Variants in IFT57 observed in about 807,000 individuals in gnomAD.
IFT57 encodes the protein intraflagellar transport 57.
In IFT57, 59 loss-of-function variants were observed where a neutral mutation model predicts 56.8. The ratio of observed to expected loss-of-function variants is 1.04; its 90% CI spans 0.84 to 1.29. The LOEUF (loss-of-function observed/expected upper bound fraction) is 1.29, where lower values mean the gene tolerates loss of function less well. Among genes scored for constraint, IFT57 ranks in the 50% most tolerant of loss-of-function variants. IFT57 has a pLI of 0.00. For synonymous variants in IFT57, 209 were observed against 186.1 expected (o/e 1.12, Z -1.00); for missense variants, 470 against 522.1 (o/e 0.90, Z 0.97).
At chr3:108,185,736 G>T (rs1297082632) in intron 6 of IFT57, among the ~76,000 whole-genome samples, 1 of 151,726 alleles carries the variant, frequency 6.6e-6, no homozygotes, top group African/African-American at 2.4e-5. Context: ...AATATAGTTG[G>T]GTTTATGATT....
At chr3:108,175,768 T>G (rs917453435) in intron 6 of IFT57, among the ~76,000 whole-genome samples, 2 of 151,482 alleles carry the variant, frequency 1.3e-5, no homozygotes, top group Admixed American at 6.6e-5. Flanking sequence ...ATCGGTTTCA[T>G]TAGTTTACAA....
chr3:108,198,516 A>C (rs1378396676), intron 5 of IFT57, among the ~76,000 whole-genome samples: 1 of 152,048 alleles, frequency 6.6e-6, no homozygotes, highest in Non-Finnish European at 1.5e-5. Flanking sequence ...ATCTCGGCTC[A>C]CTGCAGCCTC....
chr3:108,200,280 T>C (rs931527611), intron 5 of IFT57, among the ~76,000 whole-genome samples: 1 of 152,152 alleles, frequency 6.6e-6, no homozygotes, highest in Non-Finnish European at 1.5e-5. Context: ...TACTGTCATA[T>C]AATCCAGACA....
At chr3:108,180,733 T>C (rs7634546) in intron 6 of IFT57, among the ~76,000 whole-genome samples, 13,939 of 152,072 alleles carry the variant, frequency 0.092, 706 homozygotes, top group Middle Eastern at 0.12. Context: ...TACTCTAATA[T>C]AATTGATTAG....
chr3:108,181,726 T>C (rs2080152008), intron 6 of IFT57, among the ~76,000 whole-genome samples: 1 of 152,130 alleles, frequency 6.6e-6, no homozygotes, highest in Admixed American at 6.6e-5. Flanking sequence ...ATTTATTGTC[T>C]GGCAGCAATA....
At chr3:108,209,454 C>T (rs1032558924) in intron 4 of IFT57, among the ~76,000 whole-genome samples, 1 of 152,082 alleles carries the variant, frequency 6.6e-6, no homozygotes, top group African/African-American at 2.4e-5. Flanking sequence ...AGAAGATGTA[C>T]ATGGATGGTA....
chr3:108,212,292 G>GT (rs1306969829), intron 4 of IFT57, among the ~76,000 whole-genome samples: 1 of 152,072 alleles, frequency 6.6e-6, no homozygotes, highest in Non-Finnish European at 1.5e-5. Flanking sequence ...GCCCAGGTTA[G>GT]TCTCAAACTC....
chr3:108,170,845 C>T (rs748160843), intron 6 of IFT57, among the ~76,000 whole-genome samples: 1 of 151,934 alleles, frequency 6.6e-6, no homozygotes, highest in Non-Finnish European at 1.5e-5. Context: ...AGAAATAACA[C>T]CACACATCTA....
At chr3:108,168,338 A>T (rs2080074064) in intron 6 of IFT57, among the ~76,000 whole-genome samples, 1 of 151,946 alleles carries the variant, frequency 6.6e-6, no homozygotes, top group East Asian at 1.9e-4. Flanking sequence ...GTTTATAATG[A>T]TTACTGGAGT....
chr3:108,177,864 C>G (rs9883627), intron 6 of IFT57, among the ~76,000 whole-genome samples: 14,634 of 151,692 alleles, frequency 0.096, 766 homozygotes, highest in Middle Eastern at 0.12. Flanking sequence ...AAAGTAAAAA[C>G]ACAAAAGGCT....
At chr3:108,220,360 T>C (rs1368742768) in intron 1 of IFT57, among the ~76,000 whole-genome samples, 1 of 152,244 alleles carries the variant, frequency 6.6e-6, no homozygotes, top group Non-Finnish European at 1.5e-5. Context: ...CTTATTTGTC[T>C]TGTTCATGTG....
At chr3:108,197,170 C>T (rs1208019021) in intron 5 of IFT57, among the ~76,000 whole-genome samples, 1 of 152,230 alleles carries the variant, frequency 6.6e-6, no homozygotes, top group African/African-American at 2.4e-5. Context: ...GCTCATAAGA[C>T]ACAAGTTATC....
intron 6 of IFT57, among the ~76,000 whole-genome samples, chr3:108,176,414 T>C (rs2080124300): frequency 6.6e-6 from 1 of 151,828 alleles, no homozygotes; most frequent in Admixed American, 6.6e-5. Context: ...CAAGTATCTT[T>C]TCTCTCTCTT....
At chr3:108,193,045 T>A (rs1165742743) in intron 5 of IFT57, among the ~76,000 whole-genome samples, 2 of 152,350 alleles carry the variant, frequency 1.3e-5, no homozygotes, top group Non-Finnish European at 1.5e-5. Flanking sequence ...ATTTTGTATA[T>A]GTTTGAAACA....
At chr3:108,196,034 T>G (rs945456610) in intron 5 of IFT57, among the ~76,000 whole-genome samples, 1 of 152,146 alleles carries the variant, frequency 6.6e-6, no homozygotes, top group African/African-American at 2.4e-5. Context: ...ATGCTTGAGG[T>G]GATTGATAGC....
chr3:108,204,274 T>C (rs947496106), intron 5 of IFT57, among the ~76,000 whole-genome samples: 1 of 152,204 alleles, frequency 6.6e-6, no homozygotes, highest in South Asian at 2.1e-4. Flanking sequence ...CTTCTTCCTC[T>C]TGTGGAAATA....
At chr3:108,173,994 T>G (rs1178747977) in intron 6 of IFT57, among the ~76,000 whole-genome samples, 2 of 93,148 alleles carry the variant, frequency 2.1e-5, no homozygotes, top group Admixed American at 1.2e-4. Context: ...TTGCATATAT[T>G]TGAGTGTGTG....
chr3:108,219,974 T>G (rs1359718169), intron 1 of IFT57, among the ~76,000 whole-genome samples: 1 of 152,248 alleles, frequency 6.6e-6, no homozygotes, highest in Admixed American at 6.5e-5. Flanking sequence ...TCATTATGCA[T>G]TTTTACTGTT....
intron 6 of IFT57, among the ~76,000 whole-genome samples, chr3:108,183,690 A>T (rs937765700): frequency 6.6e-6 from 1 of 152,206 alleles, no homozygotes; most frequent in African/African-American, 2.4e-5. Flanking sequence ...TAAGCTTTGA[A>T]TAAATAGCCT....
Sources: gnomAD v4.1 joint callset for allele counts (sites outside exome capture counted in the v4.1 genomes callset) on GRCh38, gnomAD v4.1.1 for gene constraint, MANE v1.5 for transcripts, NCBI Gene and HGNC (gene_info 2026-07-23, HGNC 2026-07-21) for gene names.